The following PLPP4 variants were observed in gnomAD, a reference collection of about 807,000 sequenced individuals.
PLPP4 encodes diacylglycerol pyrophosphate like 2.
In PLPP4, 20 loss-of-function variants were observed where a neutral mutation model predicts 32.2. The observed-to-expected ratio is 0.62, with a 90% confidence interval of 0.44 to 0.90. The LOEUF (loss-of-function observed/expected upper bound fraction) is 0.90. Among genes scored for constraint, PLPP4 ranks in the 40% least tolerant of loss-of-function variants. The probability of loss-of-function intolerance (pLI) is 0.00; values close to 1 mark genes in which losing one functional copy is unlikely to be tolerated. For missense variants in PLPP4, 257 were observed against 353.1 expected, an observed-to-expected ratio of 0.73 and a Z score of 2.18; for synonymous variants, 127 against 133.0, an observed-to-expected ratio of 0.95 and a Z score of 0.31.
At chr10:120,519,601 T>TA (rs1846069901) in intron 4 of PLPP4, among the ~76,000 whole-genome samples, 1 of 152,070 alleles carries the variant, frequency 6.6e-6, no homozygotes, top group Non-Finnish European at 1.5e-5. Context: ...GACCAGTGCT[T>TA]ACTCTCAGGC....
At chr10:120,574,432 C>T (rs1312859201) in intron 5 of PLPP4, among the ~76,000 whole-genome samples, 2 of 152,148 alleles carry the variant, frequency 1.3e-5, no homozygotes, top group African/African-American at 4.8e-5. Context: ...ACATGCTACA[C>T]TCAGACCTCT....
At chr10:120,546,378 C>G (rs568852166) in intron 5 of PLPP4, among the ~76,000 whole-genome samples, 2 of 152,234 alleles carry the variant, frequency 1.3e-5, no homozygotes, top group South Asian at 2.1e-4. Flanking sequence ...CACAGTGGCA[C>G]CAGAAGTCCT....
At chr10:120,535,937 G>T (rs938786751) in intron 5 of PLPP4, among the ~76,000 whole-genome samples, 2 of 152,006 alleles carry the variant, frequency 1.3e-5, no homozygotes, top group African/African-American at 4.8e-5. Context: ...TGAGTTTAGA[G>T]ATCATTCAAG....
intron 1 of PLPP4, among the ~76,000 whole-genome samples, chr10:120,474,153 G>C (rs1005459024): frequency 1.3e-5 from 2 of 152,112 alleles, no homozygotes; most frequent in Non-Finnish European, 2.9e-5. Flanking sequence ...TGTTTCAGGA[G>C]GGTAGAGAGA....
At position 120,591,847 on chromosome 10, in the gene PLPP4, T is replaced by A. The variant is rs2901258; in HGVS notation, c.*2345T>A. 6.6e-6 allele frequency among the ~76,000 whole-genome samples: 1 copy of A among 152,216 alleles called. No homozygotes were observed. Among genetic ancestry groups the A allele is most frequent in the Non-Finnish European group, 1.5e-5 (1 of 68,054 alleles). On this transcript the variant is annotated 3_prime_UTR_variant, in exon 7 of 7. Transcript: ENST00000398250. ...CTGATAATTACATGGAAAATCCTAA[T>A]ACTGGCCATGTAAAAGCTTTGATTA...
At chr10:120,582,775 C>T (rs1337469456) in intron 6 of PLPP4, among the ~76,000 whole-genome samples, 1 of 89,970 alleles carries the variant, frequency 1.1e-5, no homozygotes, top group Admixed American at 1.2e-4. Flanking sequence ...CCCTCCCTTC[C>T]TCCCTCCCTC....
At chr10:120,473,324 G>A (rs1271386294) in intron 1 of PLPP4, among the ~76,000 whole-genome samples, 1 of 151,370 alleles carries the variant, frequency 6.6e-6, no homozygotes, top group Non-Finnish European at 1.5e-5. Context: ...TTCCAAGATT[G>A]TATTCCTTAA....
chr10:120,462,893 AGAGGGAGGGG>A (rs1848123325), intron 1 of PLPP4, among the ~76,000 whole-genome samples: 1 of 152,126 alleles, frequency 6.6e-6, no homozygotes, highest in South Asian at 2.1e-4. Context: ...GGCCTTTGTA[AGAGGGAGGGG>A]GACTTTTTGT....
chr10:120,534,941 G>A (rs902277235), intron 5 of PLPP4, among the ~76,000 whole-genome samples: 1 of 152,104 alleles, frequency 6.6e-6, no homozygotes, highest in Non-Finnish European at 1.5e-5. Flanking sequence ...TCTGGCATCT[G>A]GTGGCCCTCA....
At chr10:120,482,384 A>G (rs1482202440) in intron 1 of PLPP4, among the ~76,000 whole-genome samples, 1 of 151,916 alleles carries the variant, frequency 6.6e-6, no homozygotes, top group Non-Finnish European at 1.5e-5. Flanking sequence ...AGCAAAGATG[A>G]CTCTTGTTAT....
intron 5 of PLPP4, among the ~76,000 whole-genome samples, chr10:120,561,610 G>C (rs1043261863): frequency 6.6e-6 from 1 of 152,208 alleles, no homozygotes; most frequent in East Asian, 1.9e-4. Flanking sequence ...AGGTTGGGCT[G>C]TCTTTGGGTA....
At chr10:120,587,502 T>A (rs1351370557) in intron 6 of PLPP4, 4 of 152,234 alleles carry the variant, frequency 2.6e-5, no homozygotes, top group African/African-American at 9.6e-5. Flanking sequence ...AATTACTAAA[T>A]TTGTTTTAAA....
At chr10:120,519,004 C>A in intron 4 of PLPP4, 108 bp downstream of exon 4, 4 of 689,682 alleles carry the variant, frequency 5.8e-6, no homozygotes, top group Non-Finnish European at 7.1e-6. Flanking sequence ...ATCTAGTTCT[C>A]CCTTAAATTG....
intron 6 of PLPP4, among the ~76,000 whole-genome samples, chr10:120,578,082 A>G (rs1222062096): frequency 6.6e-6 from 1 of 152,176 alleles, no homozygotes; most frequent in Non-Finnish European, 1.5e-5. Flanking sequence ...TGCAGCCCCA[A>G]ATGTCAATAC....
intron 1 of PLPP4, among the ~76,000 whole-genome samples, chr10:120,459,583 C>T (rs17100240): frequency 0.033 from 5,082 of 152,270 alleles, 128 homozygotes; most frequent in African/African-American, 0.064. Context: ...CCTCTGCTCA[C>T]GAAGATGGTG....
intron 5 of PLPP4, among the ~76,000 whole-genome samples, chr10:120,543,588 G>A (rs896318196): frequency 6.6e-6 from 1 of 152,148 alleles, no homozygotes; most frequent in African/African-American, 2.4e-5. Context: ...ATTTCTGAAG[G>A]TGTAGATTTT....
At chr10:120,461,553 G>A (rs1291620475) in intron 1 of PLPP4, among the ~76,000 whole-genome samples, 1 of 152,166 alleles carries the variant, frequency 6.6e-6, no homozygotes, top group East Asian at 1.9e-4. Flanking sequence ...TAGGATGCCA[G>A]GGTGCACAGG....
chr10:120,547,990 T>A (rs886283765), intron 5 of PLPP4, among the ~76,000 whole-genome samples: 1 of 152,192 alleles, frequency 6.6e-6, no homozygotes, highest in Non-Finnish European at 1.5e-5. Context: ...ATTGAATTTC[T>A]TAAGAATAAT....
intron 1 of PLPP4, 164 bp from the exon 2 acceptor site, chr10:120,503,654 C>G (rs372510421): frequency 1.8e-5 from 28 of 1,598,534 alleles, no homozygotes; most frequent in Non-Finnish European, 2.4e-5. Context: ...CAGTCCTTCC[C>G]AAGCCTTTGA....
Sources: gnomAD v4.1 joint callset for allele counts (sites outside exome capture counted in the v4.1 genomes callset) on GRCh38, gnomAD v4.1.1 for gene constraint, MANE v1.5 for transcripts, NCBI Gene and HGNC (gene_info 2026-07-23, HGNC 2026-07-21) for gene names.